OR6P1: variants seen among roughly 807,000 people sequenced by gnomAD.
The protein encoded by OR6P1 is olfactory receptor family 6 subfamily P member 1.
In OR6P1, 5 loss-of-function variants were observed where a neutral mutation model predicts 6.6. The observed-to-expected ratio is 0.76, with a 90% CI of 0.40 to 1.60. OR6P1 has a LOEUF of 1.60. Among genes scored for constraint, OR6P1 ranks in the 40% most tolerant of loss-of-function variants. The probability of loss-of-function intolerance (pLI) is 0.02; values close to 1 mark genes in which losing one functional copy is unlikely to be tolerated. For synonymous variants in OR6P1, 177 were observed against 149.6 expected, an observed-to-expected ratio of 1.18 and a Z score of -1.33; for missense variants, 451 against 383.0, an observed-to-expected ratio of 1.18 and a Z score of -1.48.
At chr1:158,564,346 C>T (rs1172321577) in intron 2 of OR6P1, among the ~76,000 whole-genome samples, 1 of 152,056 alleles carries the variant, frequency 6.6e-6, no homozygotes, top group Non-Finnish European at 1.5e-5. Flanking sequence ...ATAAATGTTA[C>T]ATCATACGGC....
In OR6P1 at chr1:158,560,690, A is replaced by G. The variant is rs943794411; in HGVS notation, c.*1961T>C. ...TGTCATTTAAAGTCTTAGCTCAGGT[A>G]GGTGGACATAAGATTTTCATCAAGG... On this transcript the variant is annotated 3_prime_UTR_variant, in exon 3 of 3. Coordinates refer to ENST00000641540, the MANE Select transcript of OR6P1 (RefSeq NM_001160325.2). The G allele has an allele frequency of 6.6e-6, 1 of 152,184 alleles. No homozygotes were observed. Among genetic ancestry groups the G allele is most frequent in the Non-Finnish European group, 1.5e-5 (1 of 68,006 alleles). 9.4% of individuals were successfully genotyped at this position (152,184 alleles called of 1,614,324 possible). A position where few individuals can be genotyped will look rare whatever the true frequency, so the allele number is the denominator to read the frequency against.
At chr1:158,568,104 C>G (rs1460649299) in intron 1 of OR6P1, among the ~76,000 whole-genome samples, 1 of 152,144 alleles carries the variant, frequency 6.6e-6, no homozygotes, top group African/African-American at 2.4e-5. Context: ...CTTCTCCAAC[C>G]AAGGCAACTT....
rs1648008545 is a variant in OR6P1 at position 158,563,339 on chromosome 1, T to C, written c.266A>G (p.Asp89Gly). Residue 89 changes from aspartate (D) to glycine (G), a missense_variant, in exon 3 of 3, where the codon GAT becomes GGT. By Grantham distance (94) the Asp-to-Gly change is moderately conservative (BLOSUM62 -1). Coordinates refer to ENST00000641540, the MANE Select transcript of OR6P1 (RefSeq NM_001160325.2). ...PRLLAAFLTQ[D>G]GRVSYVGCMT... ...GCAACCTACGTAGGAGACTCTACCATCCTGGGTAAGAAAGGCTGCCAAGAG... is the reference window on the plus strand; with the variant it reads ...GCAACCTACGTAGGAGACTCTACCACCCTGGGTAAGAAAGGCTGCCAAGAG... The C allele has an allele frequency of 6.4e-7, 1 of 1,551,346 alleles. No homozygotes were observed. Among genetic ancestry groups the C allele is most frequent in the Non-Finnish European group, 8.7e-7 (1 of 1,146,942 alleles).
intron 1 of OR6P1, among the ~76,000 whole-genome samples, chr1:158,567,358 G>A (rs1319215053): frequency 1.3e-4 from 19 of 150,972 alleles, no homozygotes; most frequent in East Asian, 3.9e-4. Flanking sequence ...TGTTTATTGC[G>A]GCACTATTCA....
rs1379028902 is a variant in OR6P1, at chr1:158,562,347, A to G, written c.*304T>C. ...AATAGGAATTCCCAGGAAGTTTTGA[A>G]TATTATTCACGGCAGGGTTACATTC... On this transcript the variant is annotated 3_prime_UTR_variant, in exon 3 of 3. Transcript: ENST00000641540. 5.9e-5 allele frequency: 18 copies of G among 305,558 alleles called. 1 individual carries two copies. The South Asian group carries it at 7.1e-4, about 12-fold the overall frequency. The allele number at this position is 305,558 out of a possible 1,614,324, so 18.9% of individuals were successfully genotyped here.
At position 158,563,032 on chromosome 1, in the gene OR6P1, G is replaced by T. The variant is rs149493112; in HGVS notation, c.573C>A (p.Asp191Glu). Residue 191 changes from aspartate to glutamate, a missense_variant, in exon 3 of 3, where the codon GAC (aspartate) becomes GAA (glutamate). Coordinates refer to ENST00000641540, the MANE Select transcript of OR6P1 (RefSeq NM_001160325.2). ...ISPLLNLTCS[D>E]KEQAELVDFL... ...AGTCTACTAGCTCTGCTTGCTCCTT[G>T]TCAGAGCAGGTGAGGTTGAGTAGTG... 3 of 1,551,608 alleles carry T rather than the reference G, an allele frequency of 1.9e-6. No homozygotes were observed. Among genetic ancestry groups the T allele is most frequent in the South Asian group, 1.2e-5 (1 of 84,052 alleles).
At position 158,570,514 on chromosome 1, in the gene OR6P1, T is replaced by C. The variant is rs1648210269; in HGVS notation, c.-190A>G. 1 of 152,172 alleles carries C rather than the reference T, an allele frequency of 6.6e-6. No homozygotes were observed. The highest frequency in any genetic ancestry group is 1.5e-5 in the Non-Finnish European group (1 of 68,028). 9.4% of individuals were successfully genotyped at this position (152,172 alleles called of 1,614,324 possible). On this transcript the variant is annotated 5_prime_UTR_variant, in exon 1 of 3. Coordinates refer to ENST00000641540, the MANE Select transcript of OR6P1 (RefSeq NM_001160325.2). ...TGCCTGTCTTCCACATTCACACATA[T>C]ACCCTGCCTTTTGATATTTGTCAAT...
intron 2 of OR6P1, among the ~76,000 whole-genome samples, chr1:158,564,945 T>C (rs1276055333): frequency 6.6e-6 from 1 of 152,258 alleles, no homozygotes; most frequent in Non-Finnish European, 1.5e-5. Flanking sequence ...GGGTGACATG[T>C]CATTAAGCAT....
intron 2 of OR6P1, among the ~76,000 whole-genome samples, chr1:158,565,809 A>G (rs1203449406): frequency 6.6e-6 from 1 of 152,198 alleles, no homozygotes; most frequent in Non-Finnish European, 1.5e-5. Flanking sequence ...TATAAGTGAT[A>G]TTGATGTACC....
Position 158,562,857 on chromosome 1 carries a change from T to A in OR6P1, c.748A>T (p.Ile250Phe), listed in dbSNP as rs1478805105. Residue 250 changes from isoleucine (I) to phenylalanine (F), a missense_variant, in exon 3 of 3, where the codon ATC becomes TTC. By Grantham distance (21) the Ile-to-Phe change is conservative. Transcript: ENST00000641540. ...GTGAAGAGAGTGGAGGAGTAGTAGATAACAACCACTGCCAGATGAGCGGCA... is the reference window on the plus strand; with the variant it reads ...GTGAAGAGAGTGGAGGAGTAGTAGAAAACAACCACTGCCAGATGAGCGGCA... ...TCAAHLAVVV[I>F]YYSSTLFTYA... The A allele has an allele frequency of 6.4e-7, 1 of 1,551,996 alleles. No homozygotes were observed. The highest frequency in any genetic ancestry group is 1.2e-5 in the South Asian group (1 of 84,062).
At chr1:158,568,592 A>G (rs1271634877) in intron 1 of OR6P1, among the ~76,000 whole-genome samples, 5 of 152,146 alleles carry the variant, frequency 3.3e-5, no homozygotes, top group Non-Finnish European at 5.9e-5. Context: ...ACTAGATGAT[A>G]TTGATGCTAT....
In OR6P1 at chr1:158,569,047, G is replaced by T. The variant is rs79518232; in HGVS notation, c.-118+1395C>A. Among the ~76,000 whole-genome samples, 29 of 152,194 alleles carry T rather than the reference G, an allele frequency of 1.9e-4. No individual in the cohort carries two copies. In the East Asian group the frequency reaches 5.0e-3, roughly 26 times the overall value. On this transcript the variant is annotated intron_variant, in intron 1 of 2. Transcript: ENST00000641540. ...TTAAGAGGTAGAATGTCATTTCAGG[G>T]GTGGAATGTCGAACCTGTTTTATTA...
At chr1:158,568,681 C>G (rs756740565) in intron 1 of OR6P1, among the ~76,000 whole-genome samples, 7 of 152,160 alleles carry the variant, frequency 4.6e-5, no homozygotes, top group African/African-American at 7.2e-5. Flanking sequence ...TTCCATTCCT[C>G]TCATTTATTC....
At position 158,566,799 on chromosome 1, in the gene OR6P1, G is replaced by A. The variant is rs1263607899; in HGVS notation, c.-58C>T. The stretch of plus-strand genomic sequence containing the variant: ...CCTGAGGGATGTGGGAAAGTTGTTG[G>A]AAAACGGAGTGAAGGGTGGGAAGCA... On this transcript the variant is annotated 5_prime_UTR_variant, in exon 2 of 3. Transcript: ENST00000641540. The A allele has an allele frequency of 1.3e-5, 2 of 152,080 alleles. No homozygotes were observed. Among genetic ancestry groups the A allele is most frequent in the East Asian group, 1.9e-4 (1 of 5,184 alleles). 9.4% of individuals were successfully genotyped at this position (152,080 alleles called of 1,614,324 possible). A position where few individuals can be genotyped will look rare whatever the true frequency, so the allele number is the denominator to read the frequency against.
rs1647956927 is a variant in OR6P1, at chr1:158,561,698, C to A, written c.*953G>T. On this transcript the variant is annotated 3_prime_UTR_variant, in exon 3 of 3. Transcript: ENST00000641540. ...AAATCAAAGGAACTTGCTAGAATAC[C>A]TATGATTCAGGCTATGAACCTGAGA... is the stretch of plus-strand genomic sequence containing the variant. 1 of 152,140 alleles carries A rather than the reference C, an allele frequency of 6.6e-6. No individual in the cohort carries two copies. The allele number at this position is 152,140 out of a possible 1,614,324, so 9.4% of individuals were successfully genotyped here.
Position 158,564,482 on chromosome 1 carries a change from C to T in OR6P1, c.-22-856G>A, listed in dbSNP as rs145118987. 3.0e-3 allele frequency among the ~76,000 whole-genome samples: 458 copies of T among 152,126 alleles called. 6 individuals are homozygous for T. Among genetic ancestry groups the T allele is most frequent in the African/African-American group, 9.9e-3 (410 of 41,494 alleles). ...GACAGAGATAGAGTGAAATTTGAAA[C>T]GGACACACAGAGGAGAAGGCAATGT... On this transcript the variant is annotated intron_variant, in intron 2 of 2. Transcript: ENST00000641540.
At chr1:158,569,225 C>T (rs1395136530) in intron 1 of OR6P1, among the ~76,000 whole-genome samples, 2 of 152,170 alleles carry the variant, frequency 1.3e-5, no homozygotes, top group East Asian at 1.9e-4. Context: ...TACCATAGCT[C>T]TGTGGGCCTG....
intron 2 of OR6P1, among the ~76,000 whole-genome samples, chr1:158,566,549 AC>A (rs1291173948): frequency 2.0e-5 from 3 of 152,186 alleles, no homozygotes; most frequent in African/African-American, 7.2e-5. Flanking sequence ...ACTTGTCCTT[AC>A]CCCTCTATTA....
chr1:158,569,377 A>G (rs1375590329), intron 1 of OR6P1, among the ~76,000 whole-genome samples: 2 of 152,198 alleles, frequency 1.3e-5, no homozygotes, highest in African/African-American at 4.8e-5. Flanking sequence ...GTGGTGCTCT[A>G]TGGGAAGCAA....
Sources: allele counts gnomAD v4.1 joint callset (sites outside exome capture counted in the v4.1 genomes callset), GRCh38; gene constraint gnomAD v4.1.1; transcripts MANE v1.5; gene names NCBI Gene and HGNC (gene_info 2026-07-23, HGNC 2026-07-21).